The following RALGPS1 variants were observed in gnomAD, a reference collection of about 807,000 sequenced individuals.
RALGPS1 encodes Ral GEF with PH domain and SH3 binding motif 1.
A neutral mutation model predicts 78.8 loss-of-function variants in RALGPS1; 19 were observed. The ratio of observed to expected loss-of-function variants is 0.24; its 90% CI spans 0.17 to 0.35. The LOEUF (loss-of-function observed/expected upper bound fraction) is 0.35, where lower values mean the gene tolerates loss of function less well. Ranked by LOEUF, RALGPS1 falls within the 10% of genes least tolerant of loss-of-function variation. The pLI, the probability that RALGPS1 is intolerant of heterozygous loss-of-function variation, is 1.00. For missense variants in RALGPS1, 454 were observed against 688.3 expected, an observed-to-expected ratio of 0.66 and a Z score of 3.81; for synonymous variants, 228 against 256.3, an observed-to-expected ratio of 0.89 and a Z score of 1.06.
chr9:127,136,721 A>G (rs948127969), intron 8 of RALGPS1, among the ~76,000 whole-genome samples: 1 of 151,532 alleles, frequency 6.6e-6, no homozygotes, highest in Non-Finnish European at 1.5e-5. Flanking sequence ...TCATCTCCTC[A>G]TTGTGATCAC....
chr9:126,947,559 C>T (rs987131899), intron 1 of RALGPS1, among the ~76,000 whole-genome samples: 2 of 152,166 alleles, frequency 1.3e-5, no homozygotes, highest in Admixed American at 6.5e-5. Flanking sequence ...GCATGATTCT[C>T]CCCAGAGGAG....
At chr9:127,041,935 T>A (rs1012450915) in intron 5 of RALGPS1, among the ~76,000 whole-genome samples, 7 of 152,214 alleles carry the variant, frequency 4.6e-5, no homozygotes, top group African/African-American at 1.7e-4. Context: ...ACAAGGGCTT[T>A]ATTACTGTAG....
intron 4 of RALGPS1, among the ~76,000 whole-genome samples, chr9:127,001,848 C>T (rs139862908): frequency 0.014 from 2,076 of 152,170 alleles, 57 homozygotes; most frequent in African/African-American, 0.047. Context: ...CGTGCCATTG[C>T]GCTCCAGCCT....
intron 8 of RALGPS1, among the ~76,000 whole-genome samples, chr9:127,073,739 A>G (rs1589321587): frequency 6.6e-6 from 1 of 152,070 alleles, no homozygotes; most frequent in African/African-American, 2.4e-5. Context: ...CCTTTTCTCC[A>G]CATTCTTGCC....
chr9:127,190,207 G>A (rs1306765620), intron 11 of RALGPS1, among the ~76,000 whole-genome samples: 2 of 152,172 alleles, frequency 1.3e-5, no homozygotes, highest in African/African-American at 4.8e-5. Context: ...ATGTACTTGT[G>A]TGTAAACATA....
intron 4 of RALGPS1, among the ~76,000 whole-genome samples, chr9:127,030,718 CGTG>C (rs1394433620): frequency 6.6e-6 from 1 of 150,452 alleles, no homozygotes; most frequent in African/African-American, 2.5e-5. Flanking sequence ...GAGAGGAAGA[CGTG>C]GAAGGTACAG....
intron 1 of RALGPS1, among the ~76,000 whole-genome samples, chr9:126,937,660 C>T (rs2131337179): frequency 6.6e-6 from 1 of 152,280 alleles, no homozygotes; most frequent in African/African-American, 2.4e-5. Context: ...CTCCAGTCAT[C>T]ACATCTGCAT....
intron 18 of RALGPS1, chr9:127,217,138 C>T (rs1347632568): frequency 7.6e-7 from 1 of 1,314,812 alleles, no homozygotes; most frequent in African/African-American, 1.5e-5. Flanking sequence ...GCTGATCCAG[C>T]AGAGCACTAA....
chr9:127,024,096 T>C (rs990397267), intron 4 of RALGPS1, among the ~76,000 whole-genome samples: 6 of 151,250 alleles, frequency 4.0e-5, no homozygotes, highest in Admixed American at 2.6e-4. Flanking sequence ...CTGTGTGTTA[T>C]TTATAAATGT....
intron 11 of RALGPS1, chr9:127,177,773 T>C: frequency 6.6e-7 from 1 of 1,524,488 alleles, no homozygotes; most frequent in Non-Finnish European, 8.9e-7. Flanking sequence ...CTGGCCTCCT[T>C]TGACCCCTGA....
At chr9:126,935,737 T>A (rs1258297368) in intron 1 of RALGPS1, among the ~76,000 whole-genome samples, 1 of 152,242 alleles carries the variant, frequency 6.6e-6, no homozygotes, top group East Asian at 1.9e-4. Context: ...TCACATGCTC[T>A]CTGCTTTAAA....
At chr9:127,022,816 C>T (rs1408777876) in intron 4 of RALGPS1, among the ~76,000 whole-genome samples, 5 of 152,180 alleles carry the variant, frequency 3.3e-5, no homozygotes, top group Admixed American at 3.3e-4. Context: ...GAGACATCCC[C>T]TCCAAATATT....
intron 4 of RALGPS1, among the ~76,000 whole-genome samples, chr9:127,002,690 T>C (rs898902998): frequency 2.7e-5 from 4 of 149,340 alleles, no homozygotes; most frequent in African/African-American, 9.8e-5. Flanking sequence ...AGCGAGAATA[T>C]GTGGTGTTTG....
intron 4 of RALGPS1, among the ~76,000 whole-genome samples, chr9:127,000,534 CTTTTTTTTTTTTTTTTTTTT>C (rs1163116649): frequency 1.2e-4 from 4 of 33,338 alleles, no homozygotes; most frequent in African/African-American, 3.7e-4. Context: ...CTTGTCTTGT[CTTTTTTTTTTTTTTTTTTTT>C]TTTTTTTTTT....
chr9:127,042,508 C>G (rs943969462), intron 5 of RALGPS1, among the ~76,000 whole-genome samples: 1 of 152,022 alleles, frequency 6.6e-6, no homozygotes, highest in African/African-American at 2.4e-5. Context: ...AGGAATAGAA[C>G]AGAACTTCTT....
rs557365776 is a variant in RALGPS1 at position 127,089,250 on chromosome 9, C to T, written c.610+19894C>T. The T allele has an allele frequency of 3.4e-4, 396 of 1,165,390 alleles. 2 individuals carry two copies. Among genetic ancestry groups the T allele is most frequent in the Admixed American group, 5.5e-4 (28 of 51,308 alleles). 72.2% of individuals were successfully genotyped at this position (1,165,390 alleles called of 1,614,324 possible). On this transcript the variant is annotated intron_variant, in intron 8 of 18. Coordinates refer to ENST00000259351, the MANE Select transcript of RALGPS1 (RefSeq NM_014636.3). ...CTCTGGGAGGCATCTGGAGCAAGAA[C>T]GCTTGAAAGGTGGACCCGTCTCCAT...
At chr9:127,165,460 A>G (rs2059249038) in intron 8 of RALGPS1, among the ~76,000 whole-genome samples, 1 of 152,262 alleles carries the variant, frequency 6.6e-6, no homozygotes, top group Admixed American at 6.5e-5. Context: ...TTTGCAGACT[A>G]CATGTTACTA....
In RALGPS1 at chr9:127,207,854, G is replaced by A. The variant is rs533529780; in HGVS notation, c.1248-4277G>A. 7.2e-5 allele frequency among the ~76,000 whole-genome samples: 11 copies of A among 152,316 alleles called. No individual in the cohort carries two copies. The East Asian group carries it at 1.7e-3, about 24-fold the overall frequency. ...CCTTCAAGGCCTGGGGTCGCTCCCC[G>A]TGGCTCCAGAGAGAGCAGGCTCTGA... On this transcript the variant is annotated intron_variant, in intron 14 of 18. Transcript: ENST00000259351.
intron 11 of RALGPS1, among the ~76,000 whole-genome samples, chr9:127,180,241 T>A (rs2060131217): frequency 6.6e-6 from 1 of 152,242 alleles, no homozygotes; most frequent in African/African-American, 2.4e-5. Context: ...CAGATTTTGT[T>A]AGCCCCGCCT....
Sources: gnomAD v4.1 joint callset for allele counts (sites outside exome capture counted in the v4.1 genomes callset) on GRCh38, gnomAD v4.1.1 for gene constraint, MANE v1.5 for transcripts, NCBI Gene and HGNC (gene_info 2026-07-23, HGNC 2026-07-21) for gene names.